The following ERBB4 variants were observed in gnomAD, a reference collection of about 807,000 sequenced individuals.
The protein encoded by ERBB4 is erb-b2 receptor tyrosine kinase 4.
ERBB4 carries 42 observed loss-of-function variants against 158.0 expected under a neutral mutation model. The ratio of observed to expected loss-of-function variants is 0.27; its 90% CI spans 0.21 to 0.34. The LOEUF is 0.34. Among genes scored for constraint, ERBB4 ranks in the 10% least tolerant of loss-of-function variants. ERBB4 has a pLI of 1.00. For missense variants in ERBB4, 1,333 were observed against 1,624.1 expected (o/e 0.82, Z 3.08); for synonymous variants, 583 against 558.7 (o/e 1.04, Z -0.61).
intron 1 of ERBB4, among the ~76,000 whole-genome samples, chr2:212,383,789 C>T (rs1211805232): frequency 6.6e-6 from 1 of 151,636 alleles, no homozygotes; most frequent in African/African-American, 2.4e-5. Flanking sequence ...CTTTAGTTAT[C>T]TGTGTTATCG....
intron 20 of ERBB4, among the ~76,000 whole-genome samples, chr2:211,470,516 A>G (rs1478118855): frequency 1.3e-5 from 2 of 152,244 alleles, no homozygotes; most frequent in Admixed American, 1.3e-4. Context: ...AGCAATAGGT[A>G]GCATTTTTTT....
intron 1 of ERBB4, among the ~76,000 whole-genome samples, chr2:212,294,550 GTCAA>G (rs1008039096): frequency 3.3e-5 from 5 of 151,966 alleles, no homozygotes; most frequent in South Asian, 4.2e-4. Context: ...ACTAGCTATT[GTCAA>G]TCACTCTATG....
At chr2:212,387,098 A>G (rs2090700811) in intron 1 of ERBB4, among the ~76,000 whole-genome samples, 1 of 152,140 alleles carries the variant, frequency 6.6e-6, no homozygotes, top group Non-Finnish European at 1.5e-5. Flanking sequence ...CAAATAAAAT[A>G]ACCTGAATTC....
intron 1 of ERBB4, among the ~76,000 whole-genome samples, chr2:212,363,020 C>T (rs2089750256): frequency 6.6e-6 from 1 of 151,214 alleles, no homozygotes; most frequent in African/African-American, 2.4e-5. Context: ...ATACAATATA[C>T]ATTAATTTAA....
intron 20 of ERBB4, among the ~76,000 whole-genome samples, chr2:211,484,263 T>G (rs1438620396): frequency 2.0e-5 from 3 of 151,828 alleles, no homozygotes; most frequent in Non-Finnish European, 4.4e-5. Context: ...ATAGGGAGAA[T>G]AGAAAACAAA....
chr2:211,409,998 A>G (rs2063224956), intron 25 of ERBB4, among the ~76,000 whole-genome samples: 2 of 152,276 alleles, frequency 1.3e-5, no homozygotes, highest in African/African-American at 2.4e-5. Context: ...CTCAGAGTTC[A>G]TCTATATATA....
At chr2:211,867,377 C>T (rs531212337) in intron 3 of ERBB4, among the ~76,000 whole-genome samples, 8 of 152,234 alleles carry the variant, frequency 5.3e-5, no homozygotes, top group East Asian at 1.9e-4. Flanking sequence ...ATATATAGAT[C>T]TGCACAAAGC....
chr2:211,862,114 T>A (rs1206414071), intron 3 of ERBB4, among the ~76,000 whole-genome samples: 1 of 152,182 alleles, frequency 6.6e-6, no homozygotes, highest in Non-Finnish European at 1.5e-5. Context: ...TAGTGCCATA[T>A]CTCTCTTAAA....
chr2:212,146,917 G>A (rs1575702529), intron 1 of ERBB4, among the ~76,000 whole-genome samples: 2 of 151,074 alleles, frequency 1.3e-5, no homozygotes, highest in East Asian at 3.9e-4. Context: ...CTGATATGGG[G>A]ACAAGACAGA....
chr2:211,798,084 G>A (rs540152037), intron 3 of ERBB4, among the ~76,000 whole-genome samples: 8 of 151,612 alleles, frequency 5.3e-5, no homozygotes, highest in South Asian at 4.2e-4. Context: ...TCAAGCAGCC[G>A]CCACCCAGAT....
chr2:212,443,545 A>G (rs1486643103), intron 1 of ERBB4, among the ~76,000 whole-genome samples: 2 of 152,204 alleles, frequency 1.3e-5, no homozygotes, highest in African/African-American at 4.8e-5. Context: ...TTTGGAGGCA[A>G]CACATTCCTC....
chr2:212,486,944 T>C (rs967347763), intron 1 of ERBB4, among the ~76,000 whole-genome samples: 1 of 152,162 alleles, frequency 6.6e-6, no homozygotes, highest in African/African-American at 2.4e-5. Flanking sequence ...AATAACATTT[T>C]AAAACACAAG....
rs1691939296 is a variant in ERBB4, at chr2:212,518,025, A to G, written c.82+20424T>C. ...ATTCTAATATAGGAAAACTTAGAAA[A>G]CTCCAAAGTGTTATTAATATCACTT... On this transcript the variant is annotated intron_variant, in intron 1 of 27. Coordinates refer to ENST00000342788, the MANE Select transcript of ERBB4 (RefSeq NM_005235.3). Among the ~76,000 whole-genome samples, 4 of 151,998 alleles carry G rather than the reference A, an allele frequency of 2.6e-5. No individual in the cohort carries two copies. The South Asian group carries it at 6.2e-4, about 24-fold the overall frequency.
At chr2:211,437,324 A>T (rs922619641) in intron 20 of ERBB4, among the ~76,000 whole-genome samples, 3 of 152,216 alleles carry the variant, frequency 2.0e-5, no homozygotes, top group Non-Finnish European at 4.4e-5. Context: ...TCAGAAATGA[A>T]CTTTGATATA....
chr2:212,484,622 A>G (rs1293446130), intron 1 of ERBB4, among the ~76,000 whole-genome samples: 1 of 152,238 alleles, frequency 6.6e-6, no homozygotes, highest in African/African-American at 2.4e-5. Flanking sequence ...ACTAAAACAA[A>G]CAAACAAAAA....
At chr2:212,346,187 T>C (rs1447338799) in intron 1 of ERBB4, among the ~76,000 whole-genome samples, 1 of 152,146 alleles carries the variant, frequency 6.6e-6, no homozygotes, top group East Asian at 1.9e-4. Flanking sequence ...CAGAGCACTA[T>C]TTTTGTCAGG....
intron 13 of ERBB4, among the ~76,000 whole-genome samples, chr2:211,676,953 A>G (rs2072099917): frequency 6.6e-6 from 1 of 152,198 alleles, no homozygotes; most frequent in Admixed American, 6.5e-5. Context: ...ATAATTTCCA[A>G]TTCATTTCCA....
chr2:212,452,490 A>G (rs1380548507), intron 1 of ERBB4, among the ~76,000 whole-genome samples: 1 of 152,178 alleles, frequency 6.6e-6, no homozygotes, highest in Non-Finnish European at 1.5e-5. Context: ...CCAATATATA[A>G]GTCAGTGAAA....
chr2:212,322,030 A>C (rs115497448), intron 1 of ERBB4, among the ~76,000 whole-genome samples: 5 of 150,644 alleles, frequency 3.3e-5, no homozygotes, highest in African/African-American at 9.7e-5. Flanking sequence ...GATTTCACAG[A>C]GTGGATACAA....
Sources: allele counts gnomAD v4.1 joint callset (sites outside exome capture counted in the v4.1 genomes callset), GRCh38; gene constraint gnomAD v4.1.1; transcripts MANE v1.5; gene names NCBI Gene and HGNC (gene_info 2026-07-23, HGNC 2026-07-21).